The following LCORL variants were observed in gnomAD, a reference collection of about 807,000 sequenced individuals.
LCORL encodes the protein ligand dependent nuclear receptor corepressor like.
Under a neutral mutation model 141.8 loss-of-function variants are expected in LCORL, and 41 were observed. The ratio of observed to expected loss-of-function variants is 0.29; its 90% CI spans 0.23 to 0.38. LCORL has a LOEUF of 0.38. Among genes scored for constraint, LCORL ranks in the 10% least tolerant of loss-of-function variants. The pLI, the probability that LCORL is intolerant of heterozygous loss-of-function variation, is 1.00. For missense variants in LCORL, 1,759 were observed against 2,035.0 expected, an observed-to-expected ratio of 0.86 and a Z score of 2.61; for synonymous variants, 618 against 694.1, an observed-to-expected ratio of 0.89 and a Z score of 1.72.
intron 4 of LCORL, among the ~76,000 whole-genome samples, chr4:17,914,124 C>T (rs1007027256): frequency 1.3e-5 from 2 of 152,302 alleles, no homozygotes; most frequent in Middle Eastern, 6.8e-3. Context: ...ATTATCAAAA[C>T]AAGAAATATC....
intron 7 of LCORL, among the ~76,000 whole-genome samples, chr4:17,854,007 G>GAGT (rs1205208697): frequency 1.3e-5 from 2 of 152,210 alleles, no homozygotes; most frequent in East Asian, 3.9e-4. Context: ...AAATATAAAG[G>GAGT]AGTAACTAAG....
chr4:17,930,811 A>G (rs758186974), intron 4 of LCORL, among the ~76,000 whole-genome samples: 10 of 152,250 alleles, frequency 6.6e-5, no homozygotes, highest in Non-Finnish European at 1.2e-4. Context: ...ACAGTGTGTG[A>G]CTGTCACATG....
At chr4:17,895,446 T>G (rs150131268) in intron 5 of LCORL, among the ~76,000 whole-genome samples, 1 of 152,316 alleles carries the variant, frequency 6.6e-6, no homozygotes, top group African/African-American at 2.4e-5. Context: ...TCATTTTACT[T>G]AATGTCCTCC....
At chr4:18,001,981 T>C (rs1270679586) in intron 1 of LCORL, among the ~76,000 whole-genome samples, 1 of 152,198 alleles carries the variant, frequency 6.6e-6, no homozygotes, top group East Asian at 1.9e-4. Flanking sequence ...ACACATATGT[T>C]TGTTTCTCTA....
chr4:17,872,621 G>T (rs930667325), intron 7 of LCORL, among the ~76,000 whole-genome samples: 8 of 152,026 alleles, frequency 5.3e-5, no homozygotes, highest in African/African-American at 1.9e-4. Flanking sequence ...GGATGTAATT[G>T]TTTGCTAAGG....
At chr4:17,982,144 GTA>G (rs1491265071) in intron 1 of LCORL, among the ~76,000 whole-genome samples, 10 of 136,680 alleles carry the variant, frequency 7.3e-5, no homozygotes, top group African/African-American at 2.6e-4. Context: ...GTGTGTGTGT[GTA>G]TACAAGATAT....
intron 6 of LCORL, chr4:17,883,675 C>CAT: frequency 1.0e-6 from 1 of 986,786 alleles, no homozygotes; most frequent in Non-Finnish European, 1.4e-6. Flanking sequence ...CACACGCAAA[C>CAT]ACACACACAC....
At chr4:17,942,147 A>G (rs62410181) in intron 4 of LCORL, among the ~76,000 whole-genome samples, 10 of 152,208 alleles carry the variant, frequency 6.6e-5, no homozygotes, top group Non-Finnish European at 1.5e-4. Flanking sequence ...CAAATGTAAA[A>G]CAAAGTAAAA....
chr4:17,842,457 T>G, exon 8 of LCORL: 3 of 1,162,446 alleles, frequency 2.6e-6, no homozygotes, highest in Non-Finnish European at 3.8e-6. Flanking sequence ...ACTAATTTTC[T>G]TGCGAATGAG....
At position 17,897,787 on chromosome 4, in the gene LCORL, C is replaced by A. The variant is rs546529794; in HGVS notation, c.682+11307G>T. On this transcript the variant is annotated intron_variant, in intron 5 of 7. Transcript: ENST00000635767. The stretch of plus-strand genomic sequence containing the variant: ...TTTTAACAAATTCGTCTTTGGGCTT[C>A]CTTGCCTGCTAGCACAAGATGTTCC... Among the ~76,000 whole-genome samples, 8 of 152,296 alleles carry A rather than the reference C, an allele frequency of 5.3e-5. No homozygotes were observed. In the South Asian group the frequency reaches 1.7e-3, roughly 32 times the overall value.
At chr4:17,967,849 T>G (rs974701701) in intron 2 of LCORL, among the ~76,000 whole-genome samples, 1 of 152,086 alleles carries the variant, frequency 6.6e-6, no homozygotes. Flanking sequence ...GCCATTACTT[T>G]TTTTTTCTTT....
intron 1 of LCORL, among the ~76,000 whole-genome samples, chr4:18,018,063 A>G (rs2109905146): frequency 6.6e-6 from 1 of 152,242 alleles, no homozygotes; most frequent in East Asian, 1.9e-4. Context: ...TTTAAGATTG[A>G]AATTACATCA....
At chr4:17,854,343 G>T (rs1481326137) in intron 7 of LCORL, among the ~76,000 whole-genome samples, 4 of 152,078 alleles carry the variant, frequency 2.6e-5, no homozygotes, top group African/African-American at 9.7e-5. Context: ...ACATAATAAG[G>T]ACACAATAAA....
chr4:17,979,114 T>C (rs1290278214), intron 1 of LCORL, among the ~76,000 whole-genome samples: 3 of 152,142 alleles, frequency 2.0e-5, no homozygotes. Flanking sequence ...GTTCTCATTG[T>C]TCAATTCCCA....
At chr4:18,004,077 C>T (rs570986796) in intron 1 of LCORL, among the ~76,000 whole-genome samples, 4 of 152,336 alleles carry the variant, frequency 2.6e-5, no homozygotes, top group Admixed American at 2.6e-4. Flanking sequence ...AAGGGAACTC[C>T]ATTCTATAAT....
At chr4:17,877,541 T>G in exon 7 of LCORL, 1 of 1,230,664 alleles carries the variant, frequency 8.1e-7, no homozygotes, top group Admixed American at 4.2e-5. Context: ...TGCTGCTGAT[T>G]TCTGCTGGTG....
chr4:17,999,255 C>T (rs1367138358), intron 1 of LCORL, among the ~76,000 whole-genome samples: 1 of 151,416 alleles, frequency 6.6e-6, no homozygotes, highest in Non-Finnish European at 1.5e-5. Context: ...AGATGGAGAC[C>T]AGCCTGGTGA....
chr4:17,963,231 G>C (rs1309065282), intron 2 of LCORL, among the ~76,000 whole-genome samples, 182 bp from the exon 3 acceptor site: 1 of 152,036 alleles, frequency 6.6e-6, no homozygotes, highest in Non-Finnish European at 1.5e-5. Context: ...GCTGTAAGGA[G>C]AGTAATCTGC....
At chr4:18,006,415 C>A (rs1722820123) in intron 1 of LCORL, among the ~76,000 whole-genome samples, 2 of 152,162 alleles carry the variant, frequency 1.3e-5, no homozygotes, top group Non-Finnish European at 2.9e-5. Flanking sequence ...GCCTCTTACC[C>A]AGTTCCAAAG....
Sources: allele counts gnomAD v4.1 joint callset (sites outside exome capture counted in the v4.1 genomes callset), GRCh38; gene constraint gnomAD v4.1.1; transcripts MANE v1.5; gene names NCBI Gene and HGNC (gene_info 2026-07-23, HGNC 2026-07-21).